Variants in SUMF1 observed in about 807,000 individuals in gnomAD.
The protein encoded by SUMF1 is sulfatase modifying factor 1.
Under a neutral mutation model 47.6 loss-of-function variants are expected in SUMF1, and 48 were observed. The observed-to-expected ratio is 1.01, with a 90% CI of 0.80 to 1.28. The LOEUF is 1.28. Among genes scored for constraint, SUMF1 ranks in the 50% most tolerant of loss-of-function variants. SUMF1 has a pLI of 0.00. For synonymous variants in SUMF1, 230 were observed against 192.1 expected (o/e 1.20, Z -1.63); for missense variants, 571 against 485.4 (o/e 1.18, Z -1.66).
intron 8 of SUMF1, among the ~76,000 whole-genome samples, chr3:4,242,516 A>G (rs745549999): frequency 1.1e-4 from 17 of 152,210 alleles, no homozygotes; most frequent in Non-Finnish European, 2.5e-4. Context: ...CCATTTCTGC[A>G]TCTATTGAGA....
At chr3:4,071,436 C>T (rs1490490186) in intron 8 of SUMF1, among the ~76,000 whole-genome samples, 1 of 152,210 alleles carries the variant, frequency 6.6e-6, no homozygotes, top group African/African-American at 2.4e-5. Context: ...ACAGTACACT[C>T]CTGCCCAAAT....
At chr3:4,118,223 G>A (rs57016312) in intron 8 of SUMF1, among the ~76,000 whole-genome samples, 1 of 151,940 alleles carries the variant, frequency 6.6e-6, no homozygotes, top group East Asian at 1.9e-4. Context: ...TTTATTTACA[G>A]AGAGAAGAGA....
At chr3:4,348,582 A>T (rs1341643713) in intron 8 of SUMF1, among the ~76,000 whole-genome samples, 1 of 152,118 alleles carries the variant, frequency 6.6e-6, no homozygotes, top group Non-Finnish European at 1.5e-5. Context: ...ACCTCAGAAG[A>T]GGCCAGGCAC....
rs919920632 is a variant in SUMF1 at position 4,425,237 on chromosome 3, C to T, written c.520-5091G>A. On this transcript the variant is annotated intron_variant, in intron 3 of 8. Transcript: ENST00000272902. ...CACCTTTTACAAGCTACAAGATCTT[C>T]AGCTGCTTATTTAACCCCTTCAGGC... Among the ~76,000 whole-genome samples, 12 of 152,306 alleles carry T rather than the reference C, an allele frequency of 7.9e-5. 3 individuals carry two copies. Among genetic ancestry groups the T allele is most frequent in the Admixed American group, 7.2e-4 (11 of 15,290 alleles).
At chr3:4,165,451 G>A (rs549336326) in intron 8 of SUMF1, among the ~76,000 whole-genome samples, 1 of 152,164 alleles carries the variant, frequency 6.6e-6, no homozygotes, top group East Asian at 1.9e-4. Context: ...ATTAAAGGAG[G>A]CTTATCATTA....
At chr3:4,146,485 G>C (rs1694196058) in intron 8 of SUMF1, among the ~76,000 whole-genome samples, 1 of 151,918 alleles carries the variant, frequency 6.6e-6, no homozygotes, top group Admixed American at 6.6e-5. Context: ...ATATGAAAAA[G>C]TAGAACAAAA....
chr3:4,342,206 T>A (rs934545396), intron 8 of SUMF1, among the ~76,000 whole-genome samples: 26 of 152,178 alleles, frequency 1.7e-4, no homozygotes, highest in Non-Finnish European at 1.3e-4. Flanking sequence ...TGCTTCAACA[T>A]CATGGTAAAG....
At chr3:4,179,723 C>A (rs1476414348) in intron 8 of SUMF1, among the ~76,000 whole-genome samples, 1 of 152,060 alleles carries the variant, frequency 6.6e-6, no homozygotes. Context: ...AGCTTCTGCA[C>A]GGCAAGAGAA....
At chr3:4,136,459 CA>C (rs1380144636) in intron 8 of SUMF1, among the ~76,000 whole-genome samples, 1 of 151,944 alleles carries the variant, frequency 6.6e-6, no homozygotes, top group Non-Finnish European at 1.5e-5. Context: ...ACACCTTATA[CA>C]AAAATTAATT....
intron 8 of SUMF1, among the ~76,000 whole-genome samples, chr3:4,364,068 T>C (rs1425761022): frequency 7.5e-6 from 1 of 133,892 alleles, no homozygotes; most frequent in African/African-American, 2.7e-5. Flanking sequence ...ATCCCAGGGA[T>C]GAAGCCCACT....
chr3:4,356,969 C>T (rs1699632936), downstream of SUMF1, among the ~76,000 whole-genome samples: 2 of 148,924 alleles, frequency 1.3e-5, no homozygotes, highest in Admixed American at 1.3e-4. Flanking sequence ...AGAACTGCTA[C>T]ACTTTCCAGT....
In SUMF1 at chr3:4,361,961, A is replaced by G. The variant is rs1439087369; in HGVS notation, c.*183T>C. The G allele has an allele frequency of 6.6e-6, 4 of 606,380 alleles. No individual in the cohort carries two copies. The highest frequency in any genetic ancestry group is 1.2e-5 in the Non-Finnish European group (4 of 337,050). 37.6% of individuals were successfully genotyped at this position (606,380 alleles called of 1,614,324 possible). On this transcript the variant is annotated 3_prime_UTR_variant, in exon 9 of 9. Coordinates refer to ENST00000272902, the MANE Select transcript of SUMF1 (RefSeq NM_182760.4). ...TCTCCAAAGATGCACCACACCATAA[A>G]GCACATGCACTGACCCAGGTCAGCA... is the stretch of plus-strand genomic sequence containing the variant.
intron 8 of SUMF1, among the ~76,000 whole-genome samples, chr3:4,324,567 A>G (rs1206066970): frequency 6.6e-6 from 1 of 152,218 alleles, no homozygotes; most frequent in African/African-American, 2.4e-5. Flanking sequence ...GATTAGCTTC[A>G]CTAAATCTAC....
chr3:4,200,141 G>A lies in SUMF1; in HGVS notation c.1015-131396C>T, dbSNP rs529625159. The stretch of plus-strand genomic sequence containing the variant: ...TTAGATCTATGATCCACTTTGAGTC[G>A]TATTTTGCATATGGTGTGAGGTAAG... On this transcript the variant is annotated intron_variant and NMD_transcript_variant, in intron 8 of 12. Coordinates refer to the SUMF1 transcript ENST00000448413. Among the ~76,000 whole-genome samples the A allele has an allele frequency of 6.1e-5, 9 of 146,422 alleles. No individual in the cohort carries two copies. The South Asian group carries it at 8.7e-4, about 14-fold the overall frequency.
chr3:4,218,590 C>A (rs141030574), intron 8 of SUMF1, among the ~76,000 whole-genome samples: 1 of 152,054 alleles, frequency 6.6e-6, no homozygotes, highest in African/African-American at 2.4e-5. Flanking sequence ...GGGCATTCAG[C>A]GCAGAGCAAA....
intron 8 of SUMF1, among the ~76,000 whole-genome samples, chr3:4,335,960 CAAA>C (rs770091674): frequency 1.4e-5 from 1 of 73,906 alleles, no homozygotes; most frequent in Non-Finnish European, 2.3e-5. Flanking sequence ...GATTCCAACT[CAAA>C]AAAAAAAAAA....
chr3:4,373,713 G>C (rs1700237719), intron 8 of SUMF1, among the ~76,000 whole-genome samples: 1 of 152,102 alleles, frequency 6.6e-6, no homozygotes, highest in Non-Finnish European at 1.5e-5. Context: ...TATGAAGTCA[G>C]CAATACCCTG....
At chr3:4,407,675 A>C (rs1254265981) in intron 7 of SUMF1, among the ~76,000 whole-genome samples, 3 of 152,252 alleles carry the variant, frequency 2.0e-5, no homozygotes, top group Non-Finnish European at 4.4e-5. Flanking sequence ...AATAGGACTT[A>C]ACCAGACCAG....
At chr3:4,193,131 T>C (rs1412359389) in intron 8 of SUMF1, among the ~76,000 whole-genome samples, 1 of 152,140 alleles carries the variant, frequency 6.6e-6, no homozygotes, top group Non-Finnish European at 1.5e-5. Context: ...GTTCTATATC[T>C]GTGATGTCCA....
Sources: gnomAD v4.1 joint callset for allele counts (sites outside exome capture counted in the v4.1 genomes callset) on GRCh38, gnomAD v4.1.1 for gene constraint, MANE v1.5 for transcripts, NCBI Gene and HGNC (gene_info 2026-07-23, HGNC 2026-07-21) for gene names.